EXOC7: variants seen among roughly 807,000 people sequenced by gnomAD.
The protein encoded by EXOC7 is exocyst complex component Exo70.
A neutral mutation model predicts 87.6 loss-of-function variants in EXOC7; 51 were observed. That is an observed-to-expected ratio of 0.58 (90% CI 0.46 to 0.73). The LOEUF is 0.73. Among genes scored for constraint, EXOC7 ranks in the 30% least tolerant of loss-of-function variants. The pLI is 0.00. For synonymous variants in EXOC7, 327 were observed against 357.1 expected (o/e 0.92, Z 0.95); for missense variants, 744 against 888.4 (o/e 0.84, Z 2.07).
At position 76,082,212 on chromosome 17, in the gene EXOC7, T is replaced by G; in HGVS notation, c.*1436A>C. ...CCTCCTCCCTTAGAAGAAACAGGTCTGGGGCAGGGAGCAAGCTGAGCCTCC... is the reference window on the plus strand; with the variant it reads ...CCTCCTCCCTTAGAAGAAACAGGTCGGGGGCAGGGAGCAAGCTGAGCCTCC... On this transcript the variant is annotated 3_prime_UTR_variant, in exon 19 of 19. Transcript: ENST00000589210. 1 of 974,538 alleles carries G rather than the reference T, an allele frequency of 1.0e-6. No individual in the cohort carries two copies. The highest frequency in any genetic ancestry group is 1.5e-6 in the Non-Finnish European group (1 of 676,430). 60.4% of individuals were successfully genotyped at this position (974,538 alleles called of 1,614,324 possible). A position where few individuals can be genotyped will look rare whatever the true frequency, so the allele number is the denominator to read the frequency against.
At position 76,091,253 on chromosome 17, in the gene EXOC7, C is replaced by G. The variant is rs1478327702; in HGVS notation, c.809-18G>C. On this transcript the variant is annotated intron_variant, in intron 6 of 18. Coordinates refer to ENST00000589210, the MANE Select transcript of EXOC7 (RefSeq NM_001013839.4). ...GATCGTCCCTGTCACCAGAGCCACA[C>G]AGAGAGGAGATAAGAAGACCTAGGA... is the stretch of plus-strand genomic sequence containing the variant. 1 of 1,609,694 alleles carries G rather than the reference C, an allele frequency of 6.2e-7. No homozygotes were observed.
chr17:76,086,923 G>C, intron 12 of EXOC7: 6 of 1,544,998 alleles, frequency 3.9e-6, no homozygotes, highest in Non-Finnish European at 5.3e-6. Flanking sequence ...CACACAGAGG[G>C]GACAGAGGGA....
chr17:76,102,478 G>C (rs1018339518), intron 2 of EXOC7, among the ~76,000 whole-genome samples: 1 of 151,702 alleles, frequency 6.6e-6, no homozygotes, highest in Non-Finnish European at 1.5e-5. Context: ...GTGGTGGTGT[G>C]TGCCTACAGT....
Position 76,083,629 on chromosome 17 carries a change from G to T in EXOC7, c.*19C>A. 1 of 1,612,284 alleles carries T rather than the reference G, an allele frequency of 6.2e-7. No homozygotes were observed. Among genetic ancestry groups the T allele is most frequent in the Non-Finnish European group, 8.5e-7 (1 of 1,178,572 alleles). On this transcript the variant is annotated 3_prime_UTR_variant, in exon 19 of 19. Transcript: ENST00000589210. ...ATGACACGCCAGTCTGGTGGAACCA[G>T]GCAGGGCTAGCAGCAGGCTCAGGCA...
At chr17:76,092,867 T>C (rs756482848) in intron 6 of EXOC7, 1 of 152,146 alleles carries the variant, frequency 6.6e-6, no homozygotes, top group Non-Finnish European at 1.5e-5. Context: ...TCCTCAGAAG[T>C]GGGAACCGAC....
In EXOC7 at chr17:76,087,773, C is replaced by G. The variant is rs571476237; in HGVS notation, c.1363-53G>C. 83 of 1,535,562 alleles carry G rather than the reference C, an allele frequency of 5.4e-5. No individual in the cohort carries two copies. The African/African-American group carries it at 1.1e-3, about 20-fold the overall frequency. ...GGCAAGTGGCAGGCCCGGCCGACGGCCTCCCACAGCGACCCCTCTGAGTGC... is the reference window on the plus strand; with the variant it reads ...GGCAAGTGGCAGGCCCGGCCGACGGGCTCCCACAGCGACCCCTCTGAGTGC... On this transcript the variant is annotated intron_variant, in intron 11 of 18. Transcript: ENST00000589210.
intron 15 of EXOC7, 117 bp downstream of exon 15, chr17:76,085,197 T>C (rs1459703950): frequency 1.2e-6 from 1 of 807,744 alleles, no homozygotes; most frequent in African/African-American, 1.7e-5. Flanking sequence ...AGTGGAGGAT[T>C]AGGGTCCAGA....
chr17:76,084,433 A>T (rs1455996316), intron 16 of EXOC7, 84 bp downstream of exon 16: 1 of 1,562,276 alleles, frequency 6.4e-7, no homozygotes, highest in African/African-American at 1.4e-5. Flanking sequence ...TCCCAGAGGG[A>T]TGCTTGTCCA....
intron 2 of EXOC7, among the ~76,000 whole-genome samples, chr17:76,102,512 AG>A (rs972654234): frequency 2.0e-5 from 3 of 152,042 alleles, no homozygotes; most frequent in African/African-American, 7.2e-5. Flanking sequence ...AGGCCGAGGC[AG>A]GAGGACTGCC....
chr17:76,089,474 A>T, intron 7 of EXOC7, 154 bp from the exon 8 acceptor site: 1 of 926,128 alleles, frequency 1.1e-6, no homozygotes, highest in Non-Finnish European at 1.6e-6. Context: ...CAAGGGAGCC[A>T]GCAGGCCCCG....
Position 76,085,675 on chromosome 17 carries a change from A to T in EXOC7, c.1616+2T>A. 1.2e-6 allele frequency: 2 copies of T among 1,614,054 alleles called. No homozygotes were observed. The highest frequency in any genetic ancestry group is 2.7e-5 in the African/African-American group (2 of 75,064). On this transcript the variant is annotated splice_donor_variant, in intron 14 of 18. Transcript: ENST00000589210. LOFTEE classifies it high-confidence loss of function. ...GCAGACTCACTCCCGCAGGCCACTT[A>T]CTTCTCCAGGGACTTGAGGATGTAA...
chr17:76,094,538 G>A lies in EXOC7; in HGVS notation c.684C>T (p.Asp228=). ...VYYQIRSSQL[D]RSIKGLKEHF... ...GCTCCTTCAGTCCTTTGATGGAGCG[G>A]TCCAGCTGGCTGGAGCGTATCTGGT... The change falls in exon 6 of 19, where the codon GAC becomes GAT. Residue 228 remains aspartate (D), a synonymous_variant. Coordinates refer to ENST00000589210, the MANE Select transcript of EXOC7 (RefSeq NM_001013839.4). 6.2e-7 allele frequency: 1 copy of A among 1,614,032 alleles called. No individual in the cohort carries two copies. Among genetic ancestry groups the A allele is most frequent in the South Asian group, 1.1e-5 (1 of 91,058 alleles).
At chr17:76,094,148 G>A (rs1035627448) in intron 6 of EXOC7, 7 of 354,836 alleles carry the variant, frequency 2.0e-5, no homozygotes, top group Admixed American at 4.4e-5. Context: ...TGCCTCAGGC[G>A]GGATTCGCTG....
Position 76,103,730 on chromosome 17 carries a change from T to C in EXOC7, c.-38A>G. On this transcript the variant is annotated 5_prime_UTR_variant, in exon 1 of 19. Transcript: ENST00000589210. ...CGCGGCTCCCACTCCCCAGTATCTTTCCTCCGCGGGCCCACCGGGCCCCCG... is the reference window on the plus strand; with the variant it reads ...CGCGGCTCCCACTCCCCAGTATCTTCCCTCCGCGGGCCCACCGGGCCCCCG... 1.9e-6 allele frequency: 3 copies of C among 1,570,070 alleles called. No homozygotes were observed. Among genetic ancestry groups the C allele is most frequent in the Non-Finnish European group, 2.6e-6 (3 of 1,158,968 alleles).
chr17:76,098,143 C>CTT (rs1041802445), intron 4 of EXOC7, 125 bp from the exon 5 acceptor site: 76 of 592,032 alleles, frequency 1.3e-4, no homozygotes, highest in Non-Finnish European at 1.7e-4. Context: ...GCCCTGATAT[C>CTT]TTTTTTTTTT....
At position 76,091,270 on chromosome 17, in the gene EXOC7, G is replaced by A. The variant is rs763504729; in HGVS notation, c.809-35C>T. On this transcript the variant is annotated intron_variant, in intron 6 of 18. Transcript: ENST00000589210. Reference sequence around the variant, plus strand: ...GAGCCACACAGAGAGGAGATAAGAAGACCTAGGAAATGAGTGAGAGAAAAC... The same window carrying A: ...GAGCCACACAGAGAGGAGATAAGAAAACCTAGGAAATGAGTGAGAGAAAAC... 5 of 1,589,862 alleles carry A rather than the reference G, an allele frequency of 3.1e-6. No homozygotes were observed. In the East Asian group the frequency reaches 1.1e-4, roughly 36 times the overall value.
chr17:76,094,671 C>T (rs567446439), intron 5 of EXOC7, 90 bp from the exon 6 acceptor site: 1 of 1,353,076 alleles, frequency 7.4e-7, no homozygotes. Flanking sequence ...ACCTGTCAAC[C>T]CTTCTTAGCA....
intron 10 of EXOC7, 87 bp from the exon 11 acceptor site, chr17:76,088,209 C>A (rs1598305391): frequency 1.4e-6 from 2 of 1,388,588 alleles, no homozygotes; most frequent in East Asian, 2.3e-5. Flanking sequence ...CGCCTCCTGG[C>A]AGACGGGTGC....
In EXOC7 at chr17:76,101,791, T is replaced by C; in HGVS notation, c.199A>G (p.Thr67Ala). Residue 67 changes from threonine (T) to alanine (A), a missense_variant, in exon 3 of 19, where the codon ACG becomes GCG. Coordinates refer to ENST00000589210, the MANE Select transcript of EXOC7 (RefSeq NM_001013839.4). ...TCCTGCAGCCGCTGCAGATTCTCCGTCTGCTTGTGCACAGGGATGATGGAG... is the reference window on the plus strand; with the variant it reads ...TCCTGCAGCCGCTGCAGATTCTCCGCCTGCTTGTGCACAGGGATGATGGAG... ...ENSIIPVHKQ[T>A]ENLQRLQENV... The C allele has an allele frequency of 1.2e-6, 2 of 1,614,078 alleles. No individual in the cohort carries two copies. Among genetic ancestry groups the C allele is most frequent in the Non-Finnish European group, 1.7e-6 (2 of 1,180,026 alleles).
Sources: allele counts gnomAD v4.1 joint callset (sites outside exome capture counted in the v4.1 genomes callset), GRCh38; gene constraint gnomAD v4.1.1; transcripts MANE v1.5; gene names NCBI Gene and HGNC (gene_info 2026-07-23, HGNC 2026-07-21).